Variants in TMEM132B observed in about 807,000 individuals in gnomAD.
TMEM132B encodes the protein transmembrane protein 132B.
Under a neutral mutation model 90.8 loss-of-function variants are expected in TMEM132B, and 18 were observed. The ratio of observed to expected loss-of-function variants is 0.20; its 90% CI spans 0.14 to 0.29. The LOEUF (loss-of-function observed/expected upper bound fraction) is 0.29, where lower values mean the gene tolerates loss of function less well. Among genes scored for constraint, TMEM132B ranks in the 10% least tolerant of loss-of-function variants. The pLI is 1.00. For missense variants in TMEM132B, 1,096 were observed against 1,326.8 expected, an observed-to-expected ratio of 0.83 and a Z score of 2.70; for synonymous variants, 504 against 523.3, an observed-to-expected ratio of 0.96 and a Z score of 0.50.
intron 4 of TMEM132B, among the ~76,000 whole-genome samples, chr12:125,564,051 C>T (rs748486204): frequency 6.6e-6 from 1 of 152,186 alleles, no homozygotes; most frequent in African/African-American, 2.4e-5. Context: ...GAAACTAATA[C>T]AAGCCCACTC....
At chr12:125,187,272 C>T (rs1312616539) in intron 1 of TMEM132B, among the ~76,000 whole-genome samples, 6 of 152,212 alleles carry the variant, frequency 3.9e-5, no homozygotes, top group Non-Finnish European at 7.3e-5. Context: ...CAGTGTCTTG[C>T]TGCCCGCGGT....
At chr12:125,433,779 G>A (rs76752171) in intron 3 of TMEM132B, among the ~76,000 whole-genome samples, 2,351 of 146,396 alleles carry the variant, frequency 0.016, 53 homozygotes, top group African/African-American at 0.056. Flanking sequence ...GGAATACTAT[G>A]CAGCCATAAA....
chr12:125,288,711 C>T (rs1041595925), intron 1 of TMEM132B, among the ~76,000 whole-genome samples: 4 of 151,940 alleles, frequency 2.6e-5, no homozygotes, highest in Admixed American at 6.6e-5. Context: ...TTCTGCGCAT[C>T]GTGGGATGTT....
chr12:125,474,056 T>TTCC (rs1555252177), intron 3 of TMEM132B, among the ~76,000 whole-genome samples: 16 of 129,400 alleles, frequency 1.2e-4, no homozygotes, highest in African/African-American at 4.3e-4. Context: ...CCTTCTTTCT[T>TTCC]TTTCCTTTCC....
intron 1 of TMEM132B, among the ~76,000 whole-genome samples, chr12:125,206,082 C>T (rs1873176131): frequency 1.3e-5 from 2 of 152,258 alleles, no homozygotes; most frequent in South Asian, 4.1e-4. Context: ...GTGGGACTGC[C>T]CGACCCCACA....
chr12:125,523,906 A>G (rs781416069), intron 4 of TMEM132B, among the ~76,000 whole-genome samples: 1 of 152,194 alleles, frequency 6.6e-6, no homozygotes, highest in Non-Finnish European at 1.5e-5. Context: ...CCCAGAGCAG[A>G]GCTTCCAGAG....
Position 125,516,860 on chromosome 12 carries a change from G to C in TMEM132B, c.1107-2579G>C, listed in dbSNP as rs112576548. ...CGGCCCAAAGAGAAATTGAAAATTT[G>C]GTCTGACAGGACCAAGCATCTCTCG... On this transcript the variant is annotated intron_variant, in intron 3 of 8. Transcript: ENST00000682704. 9.9e-3 allele frequency among the ~76,000 whole-genome samples: 1,508 copies of C among 152,290 alleles called. 22 individuals are homozygous for C. Among genetic ancestry groups the C allele is most frequent in the African/African-American group, 0.034 (1,405 of 41,550 alleles).
intron 3 of TMEM132B, among the ~76,000 whole-genome samples, chr12:125,427,747 A>G (rs1880361176): frequency 6.6e-6 from 1 of 152,230 alleles, no homozygotes; most frequent in Non-Finnish European, 1.5e-5. Context: ...AGTTTCTCTT[A>G]GAACTCCAAG....
intron 4 of TMEM132B, among the ~76,000 whole-genome samples, chr12:125,541,194 T>C (rs750793148): frequency 3.3e-5 from 5 of 152,246 alleles, no homozygotes; most frequent in Non-Finnish European, 5.9e-5. Flanking sequence ...TAATAATCAT[T>C]GTCACGACAC....
At position 125,657,800 on chromosome 12, in the gene TMEM132B, A is replaced by C. The variant is rs761253617; in HGVS notation, c.*3090A>C. 3.3e-5 allele frequency: 5 copies of C among 152,284 alleles called. No homozygotes were observed. Among genetic ancestry groups the C allele is most frequent in the Non-Finnish European group, 4.4e-5 (3 of 68,070 alleles). The allele number at this position is 152,284 out of a possible 1,614,324, so 9.4% of individuals were successfully genotyped here. A position where few individuals can be genotyped will look rare whatever the true frequency, so the allele number is the denominator to read the frequency against. On this transcript the variant is annotated 3_prime_UTR_variant, in exon 9 of 9. Coordinates refer to ENST00000682704, the MANE Select transcript of TMEM132B (RefSeq NM_001366854.1). ...GGAGACACCAGCAAGCCTCTTGAGA[A>C]GGCACCAGACAGTGAACTCTGTGGT... is the stretch of plus-strand genomic sequence containing the variant.
chr12:125,521,354 G>A (rs1226803011), intron 4 of TMEM132B, among the ~76,000 whole-genome samples: 1 of 152,050 alleles, frequency 6.6e-6, no homozygotes, highest in African/African-American at 2.4e-5. Flanking sequence ...AGCAAGTCAT[G>A]GAAAGATCAG....
chr12:125,650,817 A>G lies in TMEM132B; in HGVS notation c.1778A>G (p.Tyr593Cys). Residue 593 changes from tyrosine to cysteine, a missense_variant, in exon 7 of 9, where the codon TAC becomes TGC. Tyr to Cys is a radical substitution (Grantham distance 194). Transcript: ENST00000682704. ...TCACCTGACTTAGGGCAGCTGACCTACATGCTGGGCCCCGACTGGCAGTTT... is the reference window on the plus strand; with the variant it reads ...TCACCTGACTTAGGGCAGCTGACCTGCATGCTGGGCCCCGACTGGCAGTTT... Reference protein sequence around the residue: ...AESPDLGQLTYMLGPDWQFDI... With the variant: ...AESPDLGQLTCMLGPDWQFDI... 6.2e-7 allele frequency: 1 copy of G among 1,614,216 alleles called. No individual in the cohort carries two copies. Among genetic ancestry groups the G allele is most frequent in the Non-Finnish European group, 8.5e-7 (1 of 1,180,044 alleles).
chr12:125,305,771 T>G (rs1183008584), intron 1 of TMEM132B, among the ~76,000 whole-genome samples: 1 of 152,180 alleles, frequency 6.6e-6, no homozygotes, highest in African/African-American at 2.4e-5. Context: ...AATCTTGATT[T>G]AGGGAAATGA....
At position 125,650,666 on chromosome 12, in the gene TMEM132B, G is replaced by A. The variant is rs776184285; in HGVS notation, c.1644-17G>A. On this transcript the variant is annotated splice_polypyrimidine_tract_variant and intron_variant, in intron 6 of 8. Coordinates refer to ENST00000682704, the MANE Select transcript of TMEM132B (RefSeq NM_001366854.1). ...AACAATGAAGACTTTGTTCTGTTTCGATTCCTTGTGCTCCAGGCCTACCCG... is the reference window on the plus strand; with the variant it reads ...AACAATGAAGACTTTGTTCTGTTTCAATTCCTTGTGCTCCAGGCCTACCCG... 21 of 1,600,936 alleles carry A rather than the reference G, an allele frequency of 1.3e-5. No individual in the cohort carries two copies. The highest frequency in any genetic ancestry group is 1.7e-5 in the Non-Finnish European group (20 of 1,169,038).
chr12:125,460,187 G>T lies in TMEM132B; in HGVS notation c.1106+44510G>T, dbSNP rs1881398968. Among the ~76,000 whole-genome samples the T allele has an allele frequency of 6.6e-6, 1 of 152,048 alleles. No homozygotes were observed. Among genetic ancestry groups the T allele is most frequent in the Admixed American group, 6.6e-5 (1 of 15,258 alleles). ...ATATACCCACTATGTACCCACAAAA[G>T]TTAACATAAAAAAATAAAGCTGGCA... On this transcript the variant is annotated intron_variant, in intron 3 of 8. Coordinates refer to ENST00000682704, the MANE Select transcript of TMEM132B (RefSeq NM_001366854.1). The surrounding 1 kb of genome is among the most constrained non-coding windows in gnomAD (Gnocchi z 4.4).
In TMEM132B at chr12:125,209,748, C is replaced by T. The variant is rs557545243; in HGVS notation, c.67+22882C>T. The stretch of plus-strand genomic sequence containing the variant: ...GTTTCCTTTGTTATCTGATGGAATG[C>T]AAGGGTTACTAATTTTATTAAAGAA... On this transcript the variant is annotated intron_variant, in intron 1 of 8. Transcript: ENST00000682704. This position sits in a 1 kb window ranked among gnomAD's most constrained non-coding sequence, Gnocchi z 4.4. Among the ~76,000 whole-genome samples, 58 of 152,272 alleles carry T rather than the reference C, an allele frequency of 3.8e-4. No individual in the cohort carries two copies. The highest frequency in any genetic ancestry group is 1.2e-3 in the African/African-American group (51 of 41,556).
At chr12:125,260,144 G>A (rs1294857056) in intron 1 of TMEM132B, among the ~76,000 whole-genome samples, 1 of 152,202 alleles carries the variant, frequency 6.6e-6, no homozygotes, top group Non-Finnish European at 1.5e-5. Flanking sequence ...ACCCAGAGAC[G>A]TATTTTGTTC....
chr12:125,367,393 G>T (rs771183308), intron 2 of TMEM132B, among the ~76,000 whole-genome samples: 1 of 152,188 alleles, frequency 6.6e-6, no homozygotes, highest in African/African-American at 2.4e-5. Flanking sequence ...TACAATCTCA[G>T]TATGGATCTT....
intron 4 of TMEM132B, among the ~76,000 whole-genome samples, chr12:125,548,594 C>T (rs745410834): frequency 5.3e-5 from 8 of 152,024 alleles, no homozygotes; most frequent in East Asian, 3.9e-4. Flanking sequence ...CAGGAACAGG[C>T]GAAAGGCTGG....
Sources: allele counts gnomAD v4.1 joint callset (sites outside exome capture counted in the v4.1 genomes callset), GRCh38; gene constraint gnomAD v4.1.1; non-coding constraint Gnocchi (gnomAD v3.1); transcripts MANE v1.5; gene names NCBI Gene and HGNC (gene_info 2026-07-23, HGNC 2026-07-21).